WBP11: variants seen among roughly 807,000 people sequenced by gnomAD.
WBP11 encodes WW domain binding protein 11.
In WBP11, 12 loss-of-function variants were observed where a neutral mutation model predicts 66.7. The observed-to-expected ratio is 0.18, with a 90% CI of 0.12 to 0.29. The LOEUF (loss-of-function observed/expected upper bound fraction) is 0.29, where lower values mean the gene tolerates loss of function less well. Ranked by LOEUF, WBP11 falls within the 10% of genes least tolerant of loss-of-function variation. The pLI is 1.00. For synonymous variants in WBP11, 255 were observed against 273.8 expected, an observed-to-expected ratio of 0.93 and a Z score of 0.68; for missense variants, 555 against 818.3, an observed-to-expected ratio of 0.68 and a Z score of 3.93.
In WBP11 at chr12:14,791,181, G is replaced by A; in HGVS notation, c.1003C>T (p.Leu335Phe). 1 of 1,614,040 alleles carries A rather than the reference G, an allele frequency of 6.2e-7. No individual in the cohort carries two copies. Among genetic ancestry groups the A allele is most frequent in the Non-Finnish European group, 8.5e-7 (1 of 1,179,962 alleles). Residue 335 changes from leucine to phenylalanine, a missense_variant, in exon 9 of 12, where the codon CTT (leucine) becomes TTT (phenylalanine). Leu to Phe is a conservative substitution (Grantham distance 22, BLOSUM62 0). Coordinates refer to ENST00000261167, the MANE Select transcript of WBP11 (RefSeq NM_016312.3). ...TTCCCTGCCTCACCTGCCATACGAA[G>A]CATCATGGCTTGAAGAGGAGTCAGT... ...KELTPLQAMM[L>F]RMAGQEIPEE...
At position 14,787,468 on chromosome 12, in the gene WBP11, C is replaced by T. The variant is rs1351423580; in HGVS notation, c.1523G>A (p.Arg508His). The change falls in exon 12 of 12, where the codon CGC becomes CAC. Residue 508 changes from arginine (R) to histidine (H), a missense_variant. This residue lies in a region of WBP11 where 230 missense variants were observed against 286.3 expected (regional missense o/e 0.80). Coordinates refer to ENST00000261167, the MANE Select transcript of WBP11 (RefSeq NM_016312.3). Reference protein sequence around the residue: ...GIPPPRPGMMRPPLVPPLGPA... With the variant: ...GIPPPRPGMMHPPLVPPLGPA... Reference sequence around the variant, plus strand: ...TCCAAGGGGAGGCACCAAAGGTGGGCGCATCATGCCAGGACGAGGTGGAGG... The same window carrying T: ...TCCAAGGGGAGGCACCAAAGGTGGGTGCATCATGCCAGGACGAGGTGGAGG... 13 of 1,514,004 alleles carry T rather than the reference C, an allele frequency of 8.6e-6. No individual in the cohort carries two copies. The highest frequency in any genetic ancestry group is 1.4e-5 in the African/African-American group (1 of 71,716). The allele number at this position is 1,514,004 out of a possible 1,614,324, so 93.8% of individuals were successfully genotyped here.
In WBP11 at chr12:14,796,897, C is replaced by A; in HGVS notation, c.297G>T (p.Glu99Asp). The A allele has an allele frequency of 6.2e-7, 1 of 1,612,732 alleles. No homozygotes were observed. Among genetic ancestry groups the A allele is most frequent in the Non-Finnish European group, 8.5e-7 (1 of 1,179,538 alleles). The change falls in exon 5 of 12, where the codon GAG becomes GAT. Residue 99 changes from glutamate (E) to aspartate (D), a missense_variant. Physicochemically the swap from Glu to Asp is conservative, Grantham distance 45 (BLOSUM62 2). This residue lies in a region of WBP11 where 43 missense variants were observed against 142.1 expected (regional missense o/e 0.30). Transcript: ENST00000261167. This position sits in a 1 kb window ranked among gnomAD's most constrained non-coding sequence, Gnocchi z 4.5. ...TCAATTCTTTGTAAATATCTGGATT[C>A]TCTTTTTCATAGAGTCGTAGAATAC... ...FERILRLYEKENPDIYKELRK... is the reference protein window; with the variant it reads ...FERILRLYEKDNPDIYKELRK...
At chr12:14,799,575 G>T in intron 4 of WBP11, 60 bp downstream of exon 4, 1 of 1,517,726 alleles carries the variant, frequency 6.6e-7, no homozygotes, top group Non-Finnish European at 9.0e-7. Context: ...TGCTTCACTC[G>T]TTACCTGCCT....
chr12:14,793,921 G>A lies in WBP11; in HGVS notation c.723C>T (p.Ala241=). The change falls in exon 8 of 12, where the codon GCC becomes GCT. Residue 241 remains alanine (A), a splice_region_variant and synonymous_variant. Coordinates refer to ENST00000261167, the MANE Select transcript of WBP11 (RefSeq NM_016312.3). ...DEDMLYSPEL[A]QRGHDDDVSS... ...AAACATCATCATCATGACCTCGCTG[G>A]GCTGAAAAGTGGGAAGGGAACATGG... is the stretch of plus-strand genomic sequence containing the variant. The A allele has an allele frequency of 6.2e-7, 1 of 1,603,496 alleles. No individual in the cohort carries two copies.
Position 14,803,422 on chromosome 12 carries a change from G to C in WBP11, c.-116C>G. ...CTCCCGGCCTCTTTCACTTCGTAAA[G>C]GCCTTCAACTGGGTCTCTCGGTCAA... On this transcript the variant is annotated 5_prime_UTR_variant, in exon 1 of 12. Transcript: ENST00000261167. 2.5e-6 allele frequency: 1 copy of C among 398,798 alleles called. No individual in the cohort carries two copies. Among genetic ancestry groups the C allele is most frequent in the East Asian group, 3.6e-5 (1 of 28,072 alleles). The allele number at this position is 398,798 out of a possible 1,614,324, so 24.7% of individuals were successfully genotyped here. A position where few individuals can be genotyped will look rare whatever the true frequency, so the allele number is the denominator to read the frequency against.
chr12:14,801,608 T>G (rs1050225757), intron 1 of WBP11, among the ~76,000 whole-genome samples, 180 bp from the exon 2 acceptor site: 4 of 152,182 alleles, frequency 2.6e-5, no homozygotes, highest in African/African-American at 9.7e-5. Context: ...ACCATGAAAA[T>G]TTAGATCTCT....
At position 14,797,188 on chromosome 12, in the gene WBP11, T is replaced by C. The variant is rs192931783; in HGVS notation, c.191-185A>G. 1.5e-3 allele frequency among the ~76,000 whole-genome samples: 223 copies of C among 152,344 alleles called. 1 individual carries two copies. Among genetic ancestry groups the C allele is most frequent in the Admixed American group, 3.0e-3 (46 of 15,304 alleles). Reference sequence around the variant, plus strand: ...TATTAAAATCCCCACCCTTTTTAGATGGCCACTAATTTTACCTTTCTCAGA... The same window carrying C: ...TATTAAAATCCCCACCCTTTTTAGACGGCCACTAATTTTACCTTTCTCAGA... On this transcript the variant is annotated intron_variant, in intron 4 of 11. Coordinates refer to ENST00000261167, the MANE Select transcript of WBP11 (RefSeq NM_016312.3).
In WBP11 at chr12:14,802,700, G is replaced by A. The variant is rs548858211; in HGVS notation, c.-46+652C>T. ...TCTAAGAAAAACTGGGGATGGGGGG[G>A]TTAGGGGGGTGGGAGAGCAGCAGGG... On this transcript the variant is annotated intron_variant, in intron 1 of 11. Transcript: ENST00000261167. Among the ~76,000 whole-genome samples the A allele has an allele frequency of 1.2e-4, 17 of 144,586 alleles. No homozygotes were observed. The East Asian group carries it at 2.6e-3, about 22-fold the overall frequency. 94.9% of individuals were successfully genotyped at this position (144,586 alleles called of 152,430 possible). A position where few individuals can be genotyped will look rare whatever the true frequency, so the allele number is the denominator to read the frequency against.
At chr12:14,789,680 A>G (rs1311474196) in intron 10 of WBP11, among the ~76,000 whole-genome samples, 1 of 152,234 alleles carries the variant, frequency 6.6e-6, no homozygotes, top group Admixed American at 6.5e-5. Context: ...AGCATATTCA[A>G]TCACAGCTCC....
intron 2 of WBP11, 55 bp from the exon 3 acceptor site, chr12:14,800,838 T>G: frequency 7.0e-7 from 1 of 1,432,142 alleles, no homozygotes; most frequent in Non-Finnish European, 9.7e-7. Context: ...AACATTAGCA[T>G]TTCCTCCAAT....
At chr12:14,788,103 G>A (rs1406578941) in intron 11 of WBP11, among the ~76,000 whole-genome samples, 1 of 152,146 alleles carries the variant, frequency 6.6e-6, no homozygotes, top group Non-Finnish European at 1.5e-5. Flanking sequence ...GCTGGGCGTG[G>A]TGGTGCACGC....
At chr12:14,802,435 CCAGATGTTTCA>C (rs1331176164) in intron 1 of WBP11, among the ~76,000 whole-genome samples, 1 of 152,184 alleles carries the variant, frequency 6.6e-6, no homozygotes, top group Non-Finnish European at 1.5e-5. Flanking sequence ...TTTCAGAAAG[CCAGATGTTTCA>C]CAGCTGTTCT....
At chr12:14,803,125 C>A (rs767871969) in intron 1 of WBP11, among the ~76,000 whole-genome samples, 2 of 152,216 alleles carry the variant, frequency 1.3e-5, no homozygotes, top group African/African-American at 4.8e-5. Context: ...GGCTACTAAT[C>A]AACGTGCGTA....
intron 2 of WBP11, 72 bp from the exon 3 acceptor site, chr12:14,800,855 C>G: frequency 7.6e-7 from 1 of 1,323,674 alleles, no homozygotes; most frequent in Non-Finnish European, 1.1e-6. Flanking sequence ...CAATTTAATA[C>G]AGGTAATTCT....
intron 10 of WBP11, among the ~76,000 whole-genome samples, chr12:14,790,217 A>G (rs1434102654): frequency 6.6e-6 from 1 of 152,244 alleles, no homozygotes; most frequent in Non-Finnish European, 1.5e-5. Context: ...TGTAATAAGA[A>G]AAACTGTGAA....
intron 10 of WBP11, among the ~76,000 whole-genome samples, chr12:14,789,902 T>C (rs570045826): frequency 1.7e-4 from 26 of 152,314 alleles, no homozygotes; most frequent in African/African-American, 5.5e-4. Context: ...AGGCTGACAA[T>C]AGGATGAAGG....
At chr12:14,801,577 A>C (rs1263247203) in intron 1 of WBP11, 149 bp from the exon 2 acceptor site, 2 of 550,744 alleles carry the variant, frequency 3.6e-6, no homozygotes, top group East Asian at 3.0e-5. Context: ...ATGTCCAAGA[A>C]AGATGGCATC....
At chr12:14,797,830 A>G (rs970388912) in intron 4 of WBP11, among the ~76,000 whole-genome samples, 2 of 152,194 alleles carry the variant, frequency 1.3e-5, no homozygotes, top group Non-Finnish European at 2.9e-5. Context: ...AATTACACAC[A>G]TATATTCCAC....
rs1949878354 is a variant in WBP11 at position 14,795,247 on chromosome 12, T to TA, written c.388-144dup. On this transcript the variant is annotated intron_variant, in intron 5 of 11. Transcript: ENST00000261167. ...CCAAAAACCCCCAGAAAAATAACCT[T>TA]ACGTCAATACTTCCACATTGTCAAA... The TA allele has an allele frequency of 7.0e-6, 6 of 851,528 alleles. No homozygotes were observed. The South Asian group carries it at 1.3e-4, about 18-fold the overall frequency. 52.7% of individuals were successfully genotyped at this position (851,528 alleles called of 1,614,324 possible).
Sources: gnomAD v4.1 joint callset for allele counts (sites outside exome capture counted in the v4.1 genomes callset) on GRCh38, gnomAD v4.1.1 for gene constraint, gnomAD v4.1.1 regional missense constraint, Gnocchi (gnomAD v3.1) non-coding constraint, MANE v1.5 for transcripts, NCBI Gene and HGNC (gene_info 2026-07-23, HGNC 2026-07-21) for gene names.